MYO16: variants seen among roughly 807,000 people sequenced by gnomAD.
MYO16 encodes the protein myosin XVI.
A neutral mutation model predicts 205.3 loss-of-function variants in MYO16; 94 were observed. That is an observed-to-expected ratio of 0.46 (90% confidence interval 0.39 to 0.54). MYO16 has a LOEUF of 0.54. Among genes scored for constraint, MYO16 ranks in the 20% least tolerant of loss-of-function variants. MYO16 has a pLI of 0.00. For synonymous variants in MYO16, 988 were observed against 954.0 expected (o/e 1.04, Z -0.66); for missense variants, 2,315 against 2,387.5 (o/e 0.97, Z 0.63).
intron 10 of MYO16, among the ~76,000 whole-genome samples, chr13:108,845,025 T>C (rs1337351951): frequency 6.6e-6 from 1 of 152,024 alleles, no homozygotes; most frequent in Non-Finnish European, 1.5e-5. Flanking sequence ...GAGAGGGGAA[T>C]GAGCTTGGAG....
intron 7 of MYO16, among the ~76,000 whole-genome samples, chr13:108,813,119 TAAAAG>T (rs1887346078): frequency 6.6e-6 from 1 of 151,954 alleles, no homozygotes; most frequent in Admixed American, 6.6e-5. Flanking sequence ...CGAATGGAAA[TAAAAG>T]AGGAGTGTTT....
intron 16 of MYO16, among the ~76,000 whole-genome samples, chr13:108,942,392 A>G (rs1443932361): frequency 6.6e-6 from 1 of 152,228 alleles, no homozygotes; most frequent in African/African-American, 2.4e-5. Context: ...TGATGAGAGT[A>G]AGTGCATTTG....
At chr13:108,567,551 A>C in the MYO16 span, among the ~76,000 whole-genome samples, 3 of 152,208 alleles carry the variant, frequency 2.0e-5, no homozygotes, top group Non-Finnish European at 4.4e-5. Flanking sequence ...ACAGAACCAC[A>C]AAGAGGATAC....
intron 16 of MYO16, among the ~76,000 whole-genome samples, chr13:108,927,820 A>G (rs968931916): frequency 6.6e-6 from 1 of 152,162 alleles, no homozygotes; most frequent in Non-Finnish European, 1.5e-5. Flanking sequence ...ATAAGGAAAT[A>G]AATGCAAGGC....
rs774251082 is a variant in MYO16, at chr13:108,666,240, G to A, written c.292+91G>A. 607 of 1,367,336 alleles carry A rather than the reference G, an allele frequency of 4.4e-4. 7 individuals are homozygous for A. Among genetic ancestry groups the A allele is most frequent in the Non-Finnish European group, 1.8e-4 (185 of 1,025,304 alleles). The allele number at this position is 1,367,336 out of a possible 1,614,324, so 84.7% of individuals were successfully genotyped here. On this transcript the variant is annotated intron_variant, in intron 2 of 34. Transcript: ENST00000457511. ...GTTGTTTTTTTGATGGAGAGATGGG[G>A]CAGAAAAGTCCTTTTAAATATTGGA...
At chr13:108,840,686 C>T (rs1007321936) in intron 9 of MYO16, among the ~76,000 whole-genome samples, 1 of 152,150 alleles carries the variant, frequency 6.6e-6, no homozygotes, top group African/African-American at 2.4e-5. Flanking sequence ...TACAGGCATG[C>T]ACCACCACAG....
intron 1 of MYO16, among the ~76,000 whole-genome samples, chr13:108,636,995 T>C (rs1277151724): frequency 6.6e-6 from 1 of 152,200 alleles, no homozygotes; most frequent in Non-Finnish European, 1.5e-5. Context: ...TCATCAAATA[T>C]GCTGCTAAGG....
intron 34 of MYO16, among the ~76,000 whole-genome samples, chr13:109,200,919 T>G (rs1880367078): frequency 1.3e-5 from 2 of 152,090 alleles, no homozygotes; most frequent in Non-Finnish European, 2.9e-5. Context: ...GTGGATGTAT[T>G]TTGTGCTTGG....
chr13:108,727,212 C>T (rs1884370026), intron 3 of MYO16, among the ~76,000 whole-genome samples: 1 of 151,702 alleles, frequency 6.6e-6, no homozygotes, highest in African/African-American at 2.4e-5. Flanking sequence ...TACTATCTAC[C>T]CTGATTTTCT....
chr13:108,888,424 C>G lies in MYO16; in HGVS notation c.1606C>G (p.Leu536Val), dbSNP rs1209608319. The G allele has an allele frequency of 3.1e-6, 5 of 1,612,186 alleles. No homozygotes were observed. The Admixed American group carries it at 8.4e-5, about 27-fold the overall frequency. The change falls in exon 14 of 35, where the codon CTC becomes GTC. Residue 536 changes from leucine to valine, a missense_variant. This residue lies in a region of MYO16 where 1,213 missense variants were observed against 1,274.4 expected (regional missense o/e 0.95). Transcript: ENST00000457511. ...AGCCAGCAAACAAATCATAAGACAC[C>G]TCACCTGCAGGGCTGGCGCCAGCAG... is the stretch of plus-strand genomic sequence containing the variant. ...SEASKQIIRH[L>V]TCRAGASRAT...
the MYO16 span, among the ~76,000 whole-genome samples, chr13:108,543,569 G>C: frequency 0.22 from 31,439 of 143,734 alleles, 3,733 homozygotes; most frequent in East Asian, 0.46. Flanking sequence ...GTGAACCCAG[G>C]AGGCGGAGCT....
intron 4 of MYO16, among the ~76,000 whole-genome samples, chr13:108,765,230 G>T (rs568877761): frequency 2.7e-4 from 41 of 152,084 alleles, no homozygotes; most frequent in Non-Finnish European, 4.9e-4. Flanking sequence ...ATTTTTAATG[G>T]TATGCAGTTG....
chr13:109,193,624 G>A (rs1880020958), intron 34 of MYO16, among the ~76,000 whole-genome samples: 1 of 152,180 alleles, frequency 6.6e-6, no homozygotes, highest in African/African-American at 2.4e-5. Context: ...GCAAAACAAT[G>A]TAAATTAAGA....
chr13:108,953,102 A>C (rs987250837), intron 16 of MYO16, among the ~76,000 whole-genome samples: 1 of 152,192 alleles, frequency 6.6e-6, no homozygotes. Context: ...TAAAAAACAA[A>C]AAAAGTCTGG....
intron 2 of MYO16, among the ~76,000 whole-genome samples, chr13:108,704,960 C>T (rs1265271092): frequency 6.7e-6 from 1 of 149,712 alleles, no homozygotes; most frequent in Non-Finnish European, 1.5e-5. Flanking sequence ...CAAAAAAAAA[C>T]CTGACCAAAC....
chr13:108,615,489 A>C (rs1295911659), intron 1 of MYO16, among the ~76,000 whole-genome samples: 2 of 152,126 alleles, frequency 1.3e-5, no homozygotes, highest in East Asian at 3.8e-4. Context: ...CCACACAAAA[A>C]CCTGAACATG....
At chr13:108,664,293 A>G (rs759986197) in intron 1 of MYO16, among the ~76,000 whole-genome samples, 2 of 152,218 alleles carry the variant, frequency 1.3e-5, no homozygotes, top group Non-Finnish European at 2.9e-5. Context: ...AAGTACTTAT[A>G]TATTCAATAC....
intron 32 of MYO16, among the ~76,000 whole-genome samples, chr13:109,154,332 G>A (rs1028116550): frequency 5.9e-5 from 9 of 152,258 alleles, no homozygotes; most frequent in Middle Eastern, 3.4e-3. Flanking sequence ...GGCCTGGCCC[G>A]GGCCTGCCAC....
chr13:108,718,038 C>A (rs1340822164), intron 3 of MYO16, among the ~76,000 whole-genome samples: 1 of 152,122 alleles, frequency 6.6e-6, no homozygotes, highest in Non-Finnish European at 1.5e-5. Context: ...CTGCTCTTTG[C>A]TCTTCACCAT....
Sources: gnomAD v4.1 joint callset for allele counts (sites outside exome capture counted in the v4.1 genomes callset) on GRCh38, gnomAD v4.1.1 for gene constraint, gnomAD v4.1.1 regional missense constraint, MANE v1.5 for transcripts, NCBI Gene and HGNC (gene_info 2026-07-23, HGNC 2026-07-21) for gene names.